PRIM2: variants seen among roughly 807,000 people sequenced by gnomAD.
PRIM2 encodes the protein DNA primase large subunit.
PRIM2 carries 39 observed loss-of-function variants against 67.3 expected under a neutral mutation model. The ratio of observed to expected loss-of-function variants is 0.58; its 90% CI spans 0.45 to 0.76. The LOEUF is 0.76. PRIM2 is among the 30% of genes least tolerant of loss of function. The probability of loss-of-function intolerance (pLI) is 0.00; values close to 1 mark genes in which losing one functional copy is unlikely to be tolerated. For missense variants in PRIM2, 398 were observed against 598.7 expected (o/e 0.66, Z 3.50); for synonymous variants, 143 against 198.7 (o/e 0.72, Z 2.36).
the PRIM2 span, among the ~76,000 whole-genome samples, chr6:57,306,615 C>T: frequency 2.6e-5 from 4 of 152,160 alleles, no homozygotes; most frequent in African/African-American, 7.2e-5. Context: ...AGTATATTTG[C>T]TGTGGAGGAA....
At chr6:57,432,960 C>T (rs1484081644) in intron 7 of PRIM2, among the ~76,000 whole-genome samples, 3 of 152,200 alleles carry the variant, frequency 2.0e-5, no homozygotes, top group Non-Finnish European at 2.9e-5. Context: ...TTTCTAAATT[C>T]TACCATTAGT....
intron 10 of PRIM2, among the ~76,000 whole-genome samples, chr6:57,571,495 C>A (rs1775861601): frequency 6.6e-6 from 1 of 151,798 alleles, no homozygotes; most frequent in Non-Finnish European, 1.5e-5. Context: ...ACTAAAAATA[C>A]AAAAAATTAG....
chr6:57,336,530 C>A (rs1440914706), intron 5 of PRIM2, among the ~76,000 whole-genome samples: 3 of 152,192 alleles, frequency 2.0e-5, no homozygotes, highest in Non-Finnish European at 4.4e-5. Flanking sequence ...ACTCTCCAAG[C>A]CAGAAGAGAG....
intron 5 of PRIM2, among the ~76,000 whole-genome samples, chr6:57,335,130 AC>A (rs1768184530): frequency 6.6e-6 from 1 of 152,210 alleles, no homozygotes; most frequent in Non-Finnish European, 1.5e-5. Context: ...GGTCACTCCC[AC>A]CCGAATACTG....
Position 57,324,276 on chromosome 6 carries a change from C to T in PRIM2, c.334C>T (p.Gln112Ter). ...TTTTATTTTGCGGCTTGCTTATTGC[C>T]AGTCGTAAGTATATGTTTATATTCT... The part of the protein sequence containing the change: ...SHFILRLAYC[Q>*]SEELRRWFIQ... Residue 112 changes from glutamine to a stop codon, truncating the protein, a stop_gained, in exon 4 of 14, where the codon CAG becomes TAG. Coordinates refer to ENST00000615550, the MANE Select transcript of PRIM2 (RefSeq NM_000947.5). LOFTEE classifies it high-confidence loss of function. 1 of 1,580,540 alleles carries T rather than the reference C, an allele frequency of 6.3e-7. No homozygotes were observed. Among genetic ancestry groups the T allele is most frequent in the Non-Finnish European group, 8.7e-7 (1 of 1,155,436 alleles).
At chr6:57,338,494 A>G (rs1026822470) in intron 5 of PRIM2, among the ~76,000 whole-genome samples, 1 of 150,606 alleles carries the variant, frequency 6.6e-6, no homozygotes, top group African/African-American at 2.5e-5. Context: ...GCAGCACATC[A>G]AAAAGCTTAT....
chr6:57,369,748 C>A (rs1769481207), intron 5 of PRIM2, among the ~76,000 whole-genome samples: 1 of 152,158 alleles, frequency 6.6e-6, no homozygotes, highest in Non-Finnish European at 1.5e-5. Context: ...GATAACCTAG[C>A]TGGCTTTTAT....
intron 7 of PRIM2, among the ~76,000 whole-genome samples, chr6:57,422,764 T>C (rs1045576609): frequency 6.6e-6 from 1 of 151,906 alleles, no homozygotes; most frequent in African/African-American, 2.4e-5. Context: ...GCTAAACAGG[T>C]TTTTTTTCCC....
intron 5 of PRIM2, among the ~76,000 whole-genome samples, chr6:57,342,411 A>C (rs1768524599): frequency 6.6e-6 from 1 of 151,552 alleles, no homozygotes; most frequent in Non-Finnish European, 1.5e-5. Flanking sequence ...GGTAAGGTTA[A>C]ACAGATTCTA....
At chr6:57,246,352 T>C in the PRIM2 span, among the ~76,000 whole-genome samples, 1 of 152,244 alleles carries the variant, frequency 6.6e-6, no homozygotes, top group East Asian at 1.9e-4. Context: ...AATACTATTC[T>C]ACCTACGCTA....
chr6:57,352,540 A>G (rs537944072), intron 5 of PRIM2, among the ~76,000 whole-genome samples: 8 of 152,272 alleles, frequency 5.3e-5, no homozygotes, highest in South Asian at 2.1e-4. Flanking sequence ...CGCCCGGCCT[A>G]TTAAAGTGCC....
intron 10 of PRIM2, among the ~76,000 whole-genome samples, chr6:57,585,111 T>A (rs1290381407): frequency 6.6e-6 from 1 of 152,228 alleles, no homozygotes; most frequent in Non-Finnish European, 1.5e-5. Flanking sequence ...CTGATTTTTT[T>A]AAGCTCCTAT....
chr6:57,551,973 A>G (rs1428794759), intron 10 of PRIM2, among the ~76,000 whole-genome samples: 2 of 152,206 alleles, frequency 1.3e-5, no homozygotes, highest in Non-Finnish European at 2.9e-5. Flanking sequence ...CCATTTTACA[A>G]TGAAGAAACT....
intron 7 of PRIM2, among the ~76,000 whole-genome samples, chr6:57,463,965 C>T (rs1157583474): frequency 6.6e-6 from 1 of 152,196 alleles, no homozygotes; most frequent in Non-Finnish European, 1.5e-5. Context: ...TTCCTCCTGA[C>T]ATAAGATCTT....
intron 10 of PRIM2, among the ~76,000 whole-genome samples, chr6:57,540,518 T>A (rs1161946323): frequency 2.0e-5 from 3 of 152,178 alleles, no homozygotes; most frequent in Non-Finnish European, 2.9e-5. Flanking sequence ...TTGGAAAATT[T>A]TCTGGTGATA....
At chr6:57,397,242 A>G (rs1770545563) in intron 7 of PRIM2, among the ~76,000 whole-genome samples, 2 of 152,138 alleles carry the variant, frequency 1.3e-5, no homozygotes, top group South Asian at 4.1e-4. Context: ...GTTTTCATTT[A>G]TTATTTCCCC....
At chr6:57,549,048 A>T (rs1208899138) in intron 10 of PRIM2, among the ~76,000 whole-genome samples, 1 of 152,190 alleles carries the variant, frequency 6.6e-6, no homozygotes, top group Non-Finnish European at 1.5e-5. Context: ...ATCTTAGGAG[A>T]TAAGTATTAT....
chr6:57,425,131 GTT>G (rs1368931707), intron 7 of PRIM2, among the ~76,000 whole-genome samples: 1 of 151,980 alleles, frequency 6.6e-6, no homozygotes, highest in Non-Finnish European at 1.5e-5. Flanking sequence ...TGTCTATCTA[GTT>G]TTTATTATGC....
chr6:57,484,168 C>T (rs1489767562), intron 7 of PRIM2, among the ~76,000 whole-genome samples: 3 of 152,166 alleles, frequency 2.0e-5, no homozygotes, highest in Non-Finnish European at 2.9e-5. Flanking sequence ...AATAGTGTTT[C>T]GACCTGGCTT....
Sources: allele counts gnomAD v4.1 joint callset (sites outside exome capture counted in the v4.1 genomes callset), GRCh38; gene constraint gnomAD v4.1.1; transcripts MANE v1.5; gene names NCBI Gene and HGNC (gene_info 2026-07-23, HGNC 2026-07-21).